Variants in GHRL observed in about 807,000 individuals in gnomAD.
GHRL encodes appetite-regulating hormone.
A neutral mutation model predicts 16.9 loss-of-function variants in GHRL; 24 were observed. The observed-to-expected ratio is 1.42, with a 90% CI of 1.03 to 2.00. The LOEUF (loss-of-function observed/expected upper bound fraction) is 2.00, where lower values mean the gene tolerates loss of function less well. Ranked by LOEUF, GHRL falls within the 30% of genes most tolerant of loss-of-function variation. GHRL has a pLI of 0.00. For missense variants in GHRL, 193 were observed against 142.1 expected (o/e 1.36, Z -1.82); for synonymous variants, 63 against 58.2 (o/e 1.08, Z -0.37).
rs751003045 is a variant in GHRL, at chr3:10,286,776, C to A, written c.262G>T (p.Gly88Trp). 1 of 1,613,350 alleles carries A rather than the reference C, an allele frequency of 6.2e-7. No individual in the cohort carries two copies. Among genetic ancestry groups the A allele is most frequent in the Non-Finnish European group, 8.5e-7 (1 of 1,179,274 alleles). The change falls in exon 5 of 6, where the codon GGG becomes TGG. Residue 88 changes from glycine (G) to tryptophan (W), a missense_variant. Transcript: ENST00000335542. ...TGGCTGTGCTGCTGGTACTGAACCC[C>A]TGACAGCTTGATTCCAACATCAAAG... is the stretch of plus-strand genomic sequence containing the variant. Reference protein sequence around the residue: ...APFDVGIKLSGVQYQQHSQAL... With the variant: ...APFDVGIKLSWVQYQQHSQAL...
Position 10,285,835 on chromosome 3 carries a change from C to A in GHRL, c.*40G>T. On this transcript the variant is annotated 3_prime_UTR_variant, in exon 6 of 6. Coordinates refer to ENST00000335542, the MANE Select transcript of GHRL (RefSeq NM_016362.5). ...AAGCAAGCGAAAAGCCAGATGAGCG[C>A]TTCTAAACTTAGAGAGAGGTGAGTA... is the stretch of plus-strand genomic sequence containing the variant. The A allele has an allele frequency of 6.3e-7, 1 of 1,590,108 alleles. No homozygotes were observed. Among genetic ancestry groups the A allele is most frequent in the South Asian group, 1.1e-5 (1 of 90,556 alleles).
Position 10,290,298 on chromosome 3 carries a change from G to A in GHRL, c.-29-89C>T, listed in dbSNP as rs542292966. On this transcript the variant is annotated intron_variant, in intron 2 of 5. Transcript: ENST00000335542. Reference sequence around the variant, plus strand: ...GTAGGAGCCCAGCAGATGGCGTGAAGGGCTTTACCATCTGGGGTCCTGACT... The same window carrying A: ...GTAGGAGCCCAGCAGATGGCGTGAAAGGCTTTACCATCTGGGGTCCTGACT... The A allele has an allele frequency of 1.4e-4, 180 of 1,315,642 alleles. 1 individual carries two copies. The highest frequency in any genetic ancestry group is 1.8e-4 in the Non-Finnish European group (171 of 956,900). The allele number at this position is 1,315,642 out of a possible 1,614,324, so 81.5% of individuals were successfully genotyped here. A position where few individuals can be genotyped will look rare whatever the true frequency, so the allele number is the denominator to read the frequency against.
At position 10,286,731 on chromosome 3, in the gene GHRL, G is replaced by A; in HGVS notation, c.307C>T (p.Gln103Ter). Residue 103 changes from glutamine (Q) to a stop codon, truncating the protein, a stop_gained, in exon 5 of 6, where the codon CAG becomes TAG. Transcript: ENST00000335542. LOFTEE classifies it high-confidence loss of function. ...QHSQALGKFL[Q>*]DILWEEAKEA... Reference sequence around the variant, plus strand: ...TTGGCCTCTTCCCAGAGGATGTCCTGAAGAAACTTCCCCAGGGCCTGGCTG... The same window carrying A: ...TTGGCCTCTTCCCAGAGGATGTCCTAAAGAAACTTCCCCAGGGCCTGGCTG... 6.2e-7 allele frequency: 1 copy of A among 1,609,322 alleles called. No homozygotes were observed. Among genetic ancestry groups the A allele is most frequent in the South Asian group, 1.1e-5 (1 of 90,974 alleles).
chr3:10,291,747 C>T (rs1700048339), intron 1 of GHRL, among the ~76,000 whole-genome samples: 1 of 152,198 alleles, frequency 6.6e-6, no homozygotes, highest in Non-Finnish European at 1.5e-5. Flanking sequence ...CCCTAAGGGC[C>T]AATGAGTTGT....
intron 4 of GHRL, 59 bp from the exon 5 acceptor site, chr3:10,286,871 C>G (rs1699163869): frequency 1.0e-6 from 1 of 1,000,410 alleles, no homozygotes; most frequent in Non-Finnish European, 1.6e-6. Flanking sequence ...ATCCCCATCT[C>G]AAAGGGGGCT....
rs35683 is a variant in GHRL, at chr3:10,286,566, A to C, written c.334+138T>G. ...CACTCACAAATACTAGCCAACCACT[A>C]TCCTGCAGATCTTTGGGAAAGGGAA... On this transcript the variant is annotated intron_variant, in intron 5 of 5. Coordinates refer to ENST00000335542, the MANE Select transcript of GHRL (RefSeq NM_016362.5). 0.6 allele frequency: 356,794 copies of C among 594,828 alleles called. 112,236 individuals are homozygous for C. The highest frequency in any genetic ancestry group is 0.98 in the East Asian group (34,457 of 35,024). 36.8% of individuals were successfully genotyped at this position (594,828 alleles called of 1,614,324 possible). A position where few individuals can be genotyped will look rare whatever the true frequency, so the allele number is the denominator to read the frequency against.
In GHRL at chr3:10,291,154, C is replaced by G. The variant is rs1238069493; in HGVS notation, c.-468G>C. On this transcript the variant is annotated 5_prime_UTR_variant, in exon 2 of 6. Transcript: ENST00000335542. Reference sequence around the variant, plus strand: ...CCAGCGCCCCGTTGTTTCCCATGTGCTGTTGCTGCTCTGGCCTCTGTGAGC... The same window carrying G: ...CCAGCGCCCCGTTGTTTCCCATGTGGTGTTGCTGCTCTGGCCTCTGTGAGC... The G allele has an allele frequency of 7.1e-6, 7 of 985,622 alleles. No homozygotes were observed. The highest frequency in any genetic ancestry group is 1.7e-5 in the African/African-American group (1 of 57,258). The allele number at this position is 985,622 out of a possible 1,614,324, so 61.1% of individuals were successfully genotyped here. A position where few individuals can be genotyped will look rare whatever the true frequency, so the allele number is the denominator to read the frequency against.
At chr3:10,290,280 C>T in intron 2 of GHRL, 71 bp from the exon 3 acceptor site, 1 of 1,463,976 alleles carries the variant, frequency 6.8e-7, no homozygotes, top group Non-Finnish European at 9.3e-7. Flanking sequence ...CAGGTAGGAG[C>T]CCAGCAGATG....
At chr3:10,286,879 GCT>G in intron 4 of GHRL, 67 bp from the exon 5 acceptor site, 1 of 920,602 alleles carries the variant, frequency 1.1e-6, no homozygotes, top group Non-Finnish European at 1.8e-6. Context: ...CTCAAAGGGG[GCT>G]CTGGGCTCTC....
At chr3:10,286,090 C>G (rs772952663) in intron 5 of GHRL, among the ~76,000 whole-genome samples, 196 bp from the exon 6 acceptor site, 7 of 152,210 alleles carry the variant, frequency 4.6e-5, no homozygotes, top group African/African-American at 7.2e-5. Context: ...GTCTTGGTTT[C>G]CTCGTTTGCA....
chr3:10,288,553 C>G (rs1699443720), intron 4 of GHRL, among the ~76,000 whole-genome samples: 1 of 152,208 alleles, frequency 6.6e-6, no homozygotes, highest in African/African-American at 2.4e-5. Context: ...GCCGTCTCAC[C>G]AGCAAAATAT....
intron 4 of GHRL, 23 bp from the exon 5 acceptor site, chr3:10,286,835 C>A: frequency 7.1e-7 from 1 of 1,405,778 alleles, no homozygotes; most frequent in South Asian, 1.2e-5. Context: ...GCAGGGAGGA[C>A]CCAGGAGATG....
In GHRL at chr3:10,290,063, G is replaced by T; in HGVS notation, c.108+10C>A. The T allele has an allele frequency of 6.2e-7, 1 of 1,611,038 alleles. No individual in the cohort carries two copies. The highest frequency in any genetic ancestry group is 1.1e-5 in the South Asian group (1 of 90,608). On this transcript the variant is annotated intron_variant, in intron 3 of 5. Transcript: ENST00000335542. Reference sequence around the variant, plus strand: ...GGAACAACATGTGGGGCTTTGTGGGGAGGTCTCACCTGGACTCTCTGGTGT... The same window carrying T: ...GGAACAACATGTGGGGCTTTGTGGGTAGGTCTCACCTGGACTCTCTGGTGT...
chr3:10,291,570 G>C (rs1248281719), intron 1 of GHRL, 119 bp from the exon 2 acceptor site: 1 of 585,770 alleles, frequency 1.7e-6, no homozygotes, highest in Non-Finnish European at 2.2e-6. Context: ...GAGGCGATGG[G>C]GGGAAAGTGG....
intron 3 of GHRL, 27 bp downstream of exon 3, chr3:10,290,046 A>G (rs1034794983): frequency 1.9e-6 from 3 of 1,609,856 alleles, no homozygotes; most frequent in Non-Finnish European, 2.5e-6. Context: ...CTGGAACAAC[A>G]TGTGGGGCTT....
Position 10,290,078 on chromosome 3 carries a change from C to T in GHRL, c.103G>A (p.Val35Ile). The change falls in exon 3 of 6, where the codon GTC becomes ATC. Residue 35 changes from valine to isoleucine, a missense_variant. By Grantham distance (29) the Val-to-Ile change is conservative. Transcript: ENST00000335542. ...SSFLSPEHQR[V>I]QQRKESKKPP... The stretch of plus-strand genomic sequence containing the variant: ...GCTTTGTGGGGAGGTCTCACCTGGA[C>T]TCTCTGGTGTTCAGGGCTCAGGAAG... 6.2e-7 allele frequency: 1 copy of T among 1,611,824 alleles called. No individual in the cohort carries two copies. The highest frequency in any genetic ancestry group is 8.5e-7 in the Non-Finnish European group (1 of 1,179,242).
chr3:10,291,055 C>G lies in GHRL; in HGVS notation c.-369G>C. 1.0e-6 allele frequency: 1 copy of G among 985,660 alleles called. No individual in the cohort carries two copies. Among genetic ancestry groups the G allele is most frequent in the Non-Finnish European group, 1.2e-6 (1 of 830,102 alleles). The allele number at this position is 985,660 out of a possible 1,614,324, so 61.1% of individuals were successfully genotyped here. A position where few individuals can be genotyped will look rare whatever the true frequency, so the allele number is the denominator to read the frequency against. ...GGGTGCAGCTTTGTTGCTGTGTGAC[C>G]TTAGCTTACTCGCCCTTTCTCCCTG... On this transcript the variant is annotated 5_prime_UTR_variant, in exon 2 of 6. Transcript: ENST00000335542.
At chr3:10,287,618 G>A (rs1422398547) in intron 4 of GHRL, 1 of 153,798 alleles carries the variant, frequency 6.5e-6, no homozygotes, top group Non-Finnish European at 1.5e-5. Context: ...TCTTAGTGCT[G>A]GGTCATTTGG....
Position 10,285,694 on chromosome 3 carries a change from A to G in GHRL, c.*181T>C. 1.8e-6 allele frequency: 1 copy of G among 555,002 alleles called. No individual in the cohort carries two copies. The highest frequency in any genetic ancestry group is 3.3e-6 in the Non-Finnish European group (1 of 304,758). 34.4% of individuals were successfully genotyped at this position (555,002 alleles called of 1,614,324 possible). A position where few individuals can be genotyped will look rare whatever the true frequency, so the allele number is the denominator to read the frequency against. ...TTATTTGTATTATTTTGATTTTTTT[A>G]AAGTAAAATATTAACTTTTCCTCTT... On this transcript the variant is annotated 3_prime_UTR_variant, in exon 6 of 6. Coordinates refer to ENST00000335542, the MANE Select transcript of GHRL (RefSeq NM_016362.5).
Sources: gnomAD v4.1 joint callset for allele counts (sites outside exome capture counted in the v4.1 genomes callset) on GRCh38, gnomAD v4.1.1 for gene constraint, MANE v1.5 for transcripts, NCBI Gene and HGNC (gene_info 2026-07-23, HGNC 2026-07-21) for gene names.